ROBO1: variants seen among roughly 807,000 people sequenced by gnomAD.
ROBO1 encodes roundabout homolog 1.
In ROBO1, 149 loss-of-function variants were observed where a neutral mutation model predicts 195.9. That is an observed-to-expected ratio of 0.76 (90% CI 0.67 to 0.87). The LOEUF (loss-of-function observed/expected upper bound fraction) is 0.87. ROBO1 is among the 40% of genes least tolerant of loss of function. ROBO1 has a pLI of 0.00. For synonymous variants in ROBO1, 816 were observed against 733.2 expected (o/e 1.11, Z -1.82); for missense variants, 1,933 against 2,068.3 (o/e 0.93, Z 1.27).
chr3:79,289,965 C>T (rs1055001826), intron 2 of ROBO1, among the ~76,000 whole-genome samples: 8 of 148,216 alleles, frequency 5.4e-5, no homozygotes, highest in African/African-American at 2.0e-4. Flanking sequence ...TACAGAAGAA[C>T]AAAAAAAAAA....
chr3:79,139,048 T>C (rs1261104390), intron 2 of ROBO1, among the ~76,000 whole-genome samples: 1 of 151,802 alleles, frequency 6.6e-6, no homozygotes, highest in Non-Finnish European at 1.5e-5. Flanking sequence ...TGGTTTAAGT[T>C]AATTTGGGGT....
At chr3:78,895,585 G>T (rs922749861) in intron 4 of ROBO1, among the ~76,000 whole-genome samples, 1 of 152,178 alleles carries the variant, frequency 6.6e-6, no homozygotes, top group African/African-American at 2.4e-5. Flanking sequence ...TTAACTGGAT[G>T]ACCAAACATA....
At chr3:78,809,882 A>G (rs1226002639) in intron 4 of ROBO1, among the ~76,000 whole-genome samples, 1 of 152,052 alleles carries the variant, frequency 6.6e-6, no homozygotes, top group Non-Finnish European at 1.5e-5. Flanking sequence ...AGAAATACCT[A>G]ATGTAGATGA....
intron 2 of ROBO1, among the ~76,000 whole-genome samples, chr3:79,316,151 T>C (rs1474925912): frequency 6.6e-6 from 1 of 152,198 alleles, no homozygotes; most frequent in African/African-American, 2.4e-5. Flanking sequence ...AGACAAACTC[T>C]AAGATGAGAC....
intron 3 of ROBO1, among the ~76,000 whole-genome samples, chr3:78,951,737 T>G (rs1465637504): frequency 6.6e-6 from 1 of 152,066 alleles, no homozygotes. Context: ...CTGAAATATC[T>G]AAATATTTAC....
At chr3:78,963,116 T>C (rs1487483474) in intron 3 of ROBO1, among the ~76,000 whole-genome samples, 1 of 150,778 alleles carries the variant, frequency 6.6e-6, no homozygotes, top group Non-Finnish European at 1.5e-5. Context: ...TATATTACCT[T>C]GCAATGCTGA....
intron 2 of ROBO1, among the ~76,000 whole-genome samples, chr3:79,457,907 G>T (rs2039675445): frequency 1.3e-5 from 2 of 152,120 alleles, no homozygotes; most frequent in South Asian, 4.1e-4. Flanking sequence ...ATGATACAGG[G>T]AAAGAAGATG....
At chr3:79,042,676 G>A (rs1471181672) in intron 3 of ROBO1, among the ~76,000 whole-genome samples, 3 of 152,016 alleles carry the variant, frequency 2.0e-5, no homozygotes, top group African/African-American at 7.2e-5. Flanking sequence ...CTTTCTATAA[G>A]TACAAAATGA....
chr3:79,497,145 G>A (rs1559941771), intron 2 of ROBO1, among the ~76,000 whole-genome samples: 1 of 152,108 alleles, frequency 6.6e-6, no homozygotes, highest in African/African-American at 2.4e-5. Context: ...AGAAAATGGC[G>A]ATGCTGCAAG....
At chr3:79,670,578 C>T (rs530278400) in intron 1 of ROBO1, among the ~76,000 whole-genome samples, 1 of 151,922 alleles carries the variant, frequency 6.6e-6, no homozygotes, top group African/African-American at 2.4e-5. Context: ...CCTAGCTAAA[C>T]CATCAAAGTG....
chr3:78,707,745 T>C (rs535215530), intron 8 of ROBO1, among the ~76,000 whole-genome samples: 1 of 152,150 alleles, frequency 6.6e-6, no homozygotes, highest in Non-Finnish European at 1.5e-5. Flanking sequence ...AATTGACCCA[T>C]TCTGTGAGAA....
chr3:79,195,521 G>A (rs2108765364), intron 2 of ROBO1, among the ~76,000 whole-genome samples: 1 of 151,480 alleles, frequency 6.6e-6, no homozygotes, highest in African/African-American at 2.4e-5. Flanking sequence ...TTTACTTTTT[G>A]AAAATTATCA....
chr3:79,458,890 GA>G (rs780540605), intron 2 of ROBO1, among the ~76,000 whole-genome samples: 3 of 149,648 alleles, frequency 2.0e-5, no homozygotes, highest in Non-Finnish European at 3.0e-5. Flanking sequence ...ACTTAAAAAG[GA>G]AAAAAAAATC....
chr3:78,711,368 TTCCTTCCTTCCTTCCTTCCTTCCTTC>T (rs1472960820), intron 8 of ROBO1, among the ~76,000 whole-genome samples: 1,863 of 58,680 alleles, frequency 0.032, 222 homozygotes, highest in African/African-American at 0.037. Context: ...CCTTCCTTCC[TTCCTTCCTTCCTTCCTTCCTTCCTTC>T]CTTCCTTTCT....
intron 1 of ROBO1, among the ~76,000 whole-genome samples, chr3:79,633,353 CT>C (rs58016604): frequency 1.0e-4 from 12 of 119,878 alleles, no homozygotes; most frequent in Non-Finnish European, 1.3e-4. Context: ...TTTTGCATTT[CT>C]TTTTTTTTTT....
intron 17 of ROBO1, 143 bp downstream of exon 17, chr3:78,659,543 G>T: frequency 1.7e-6 from 1 of 573,868 alleles, no homozygotes; most frequent in Non-Finnish European, 2.6e-6. Flanking sequence ...ACAAGAAAGC[G>T]TTTTAAAAAT....
chr3:79,569,394 C>A (rs1943198315), intron 2 of ROBO1, among the ~76,000 whole-genome samples: 1 of 152,128 alleles, frequency 6.6e-6, no homozygotes, highest in African/African-American at 2.4e-5. Context: ...TTAGCTTGCA[C>A]CTTAGTCAAA....
intron 3 of ROBO1, among the ~76,000 whole-genome samples, chr3:79,078,234 T>C (rs2079209940): frequency 6.6e-6 from 1 of 151,844 alleles, no homozygotes; most frequent in African/African-American, 2.4e-5. Context: ...ATTTCTCAAC[T>C]TAAAATATTG....
chr3:79,561,811 C>T (rs1180702289), intron 2 of ROBO1, among the ~76,000 whole-genome samples: 1 of 151,978 alleles, frequency 6.6e-6, no homozygotes, highest in Non-Finnish European at 1.5e-5. Context: ...GAAGACTGCA[C>T]TGTGGACGCA....
Sources: allele counts gnomAD v4.1 joint callset (sites outside exome capture counted in the v4.1 genomes callset), GRCh38; gene constraint gnomAD v4.1.1; transcripts MANE v1.5; gene names NCBI Gene and HGNC (gene_info 2026-07-23, HGNC 2026-07-21).